Variants in CEP85L observed in about 807,000 individuals in gnomAD.
CEP85L encodes centrosomal protein 85L.
In CEP85L, 60 loss-of-function variants were observed where a neutral mutation model predicts 100.3. The ratio of observed to expected loss-of-function variants is 0.60; its 90% confidence interval spans 0.49 to 0.74. The LOEUF is 0.74. Among genes scored for constraint, CEP85L ranks in the 30% least tolerant of loss-of-function variants. The probability of loss-of-function intolerance (pLI) is 0.00; values close to 1 mark genes in which losing one functional copy is unlikely to be tolerated. For missense variants in CEP85L, 973 were observed against 936.2 expected, an observed-to-expected ratio of 1.04 and a Z score of -0.51; for synonymous variants, 319 against 322.7, an observed-to-expected ratio of 0.99 and a Z score of 0.12.
At chr6:118,551,991 G>A (rs1778577442) in intron 3 of CEP85L, among the ~76,000 whole-genome samples, 1 of 151,884 alleles carries the variant, frequency 6.6e-6, no homozygotes, top group Non-Finnish European at 1.5e-5. Context: ...GCTTATCAGT[G>A]GAAATGTCAG....
At chr6:118,489,821 A>G (rs1217181391) in intron 6 of CEP85L, among the ~76,000 whole-genome samples, 1 of 152,198 alleles carries the variant, frequency 6.6e-6, no homozygotes, top group East Asian at 1.9e-4. Flanking sequence ...AGGATCTCTG[A>G]GCAACATTTG....
chr6:118,613,375 C>T (rs907011867), intron 2 of CEP85L, among the ~76,000 whole-genome samples: 9 of 152,166 alleles, frequency 5.9e-5, no homozygotes, highest in Non-Finnish European at 1.3e-4. Context: ...AAATGCAACG[C>T]ATCCAATTTG....
At position 118,694,821 on chromosome 6, in the gene CEP85L, T is replaced by C. The variant is rs12207563; in HGVS notation, c.-28+15215A>G. On this transcript the variant is annotated intron_variant, in intron 1 of 13. Coordinates refer to the CEP85L transcript ENST00000368488. ...TGATTACAAATTGGCAGTTGCCATA[T>C]AGCAACAAATTCCTTATTTCACCAG... Among the ~76,000 whole-genome samples the C allele has an allele frequency of 5.6e-3, 847 of 152,346 alleles. 12 individuals are homozygous for C. Among genetic ancestry groups the C allele is most frequent in the South Asian group, 0.049 (236 of 4,828 alleles).
At chr6:118,592,908 C>A (rs1161176885) in intron 2 of CEP85L, among the ~76,000 whole-genome samples, 1 of 151,862 alleles carries the variant, frequency 6.6e-6, no homozygotes, top group East Asian at 1.9e-4. Context: ...TTGGTGTGTA[C>A]AAATATAGGT....
At chr6:118,622,168 A>C (rs1773489234) in intron 2 of CEP85L, among the ~76,000 whole-genome samples, 1 of 152,204 alleles carries the variant, frequency 6.6e-6, no homozygotes, top group South Asian at 2.1e-4. Flanking sequence ...TCTTAGTATC[A>C]GAGACTATCA....
intron 1 of CEP85L, among the ~76,000 whole-genome samples, chr6:118,681,693 A>G (rs1776664240): frequency 6.6e-6 from 1 of 151,660 alleles, no homozygotes; most frequent in Admixed American, 6.6e-5. Context: ...AGAAAAATTT[A>G]ATTCATTATA....
At chr6:118,598,439 C>T (rs548586647) in intron 2 of CEP85L, among the ~76,000 whole-genome samples, 3 of 152,172 alleles carry the variant, frequency 2.0e-5, no homozygotes, top group South Asian at 4.2e-4. Context: ...AGATGTAATC[C>T]GAGGTAAAAT....
chr6:118,680,291 C>A (rs1406742300), intron 1 of CEP85L, among the ~76,000 whole-genome samples: 1 of 110,464 alleles, frequency 9.1e-6, no homozygotes, highest in Non-Finnish European at 1.8e-5. Flanking sequence ...AAAAAAGAAT[C>A]TTTCCTTGGT....
chr6:118,576,341 T>C (rs1780231777), intron 2 of CEP85L, among the ~76,000 whole-genome samples: 1 of 152,154 alleles, frequency 6.6e-6, no homozygotes, highest in Admixed American at 6.5e-5. Context: ...TACCTGGTAC[T>C]CCTAACAACT....
At chr6:118,515,737 AAAG>A (rs765788800) in intron 4 of CEP85L, among the ~76,000 whole-genome samples, 4 of 152,194 alleles carry the variant, frequency 2.6e-5, no homozygotes, top group Non-Finnish European at 4.4e-5. Context: ...AGATATTGAT[AAAG>A]AAGAACTTAG....
intron 3 of CEP85L, among the ~76,000 whole-genome samples, chr6:118,531,810 C>T (rs978092496): frequency 6.6e-6 from 1 of 151,888 alleles, no homozygotes; most frequent in South Asian, 2.1e-4. Context: ...CATGAGATAC[C>T]ATCTCATACC....
intron 1 of CEP85L, among the ~76,000 whole-genome samples, chr6:118,687,080 T>A (rs1462162936): frequency 6.6e-6 from 1 of 152,194 alleles, no homozygotes; most frequent in African/African-American, 2.4e-5. Flanking sequence ...GGCTCATACA[T>A]AGTCTGTTCC....
At chr6:118,670,110 T>G (rs1776252022) in intron 1 of CEP85L, among the ~76,000 whole-genome samples, 1 of 152,026 alleles carries the variant, frequency 6.6e-6, no homozygotes, top group Admixed American at 6.6e-5. Context: ...TGGCAGTACC[T>G]TCTATCAGAA....
At chr6:118,641,247 C>T (rs959621643) in intron 1 of CEP85L, among the ~76,000 whole-genome samples, 1 of 152,278 alleles carries the variant, frequency 6.6e-6, no homozygotes, top group African/African-American at 2.4e-5. Context: ...CTTCAAAACA[C>T]AAACCCAATG....
chr6:118,546,350 G>A, intron 3 of CEP85L, among the ~76,000 whole-genome samples: 1 of 151,996 alleles, frequency 6.6e-6, no homozygotes, highest in East Asian at 1.9e-4. Flanking sequence ...ATAAACATGT[G>A]GTAACTAGGG....
intron 5 of CEP85L, among the ~76,000 whole-genome samples, chr6:118,499,928 AAAGG>A (rs935603618): frequency 6.6e-6 from 1 of 152,152 alleles, no homozygotes. Flanking sequence ...TACTGATTGG[AAAGG>A]AAGGAAGAAA....
intron 2 of CEP85L, among the ~76,000 whole-genome samples, chr6:118,626,326 C>T (rs1277653434): frequency 1.3e-5 from 2 of 152,172 alleles, no homozygotes; most frequent in Non-Finnish European, 2.9e-5. Flanking sequence ...ATGCCCCACT[C>T]CTCCCCTGCC....
Position 118,582,979 on chromosome 6 carries a change from C to T in CEP85L, c.233-16663G>A, listed in dbSNP as rs144089558. On this transcript the variant is annotated intron_variant, in intron 2 of 12. Coordinates refer to ENST00000368491, the MANE Select transcript of CEP85L (RefSeq NM_001042475.3). The stretch of plus-strand genomic sequence containing the variant: ...CAGAGGCTCTAGTAGCAGCATTGCA[C>T]GCTTGTAAAGTCCAGGATCCCTGAG... 7.3e-4 allele frequency among the ~76,000 whole-genome samples: 111 copies of T among 152,330 alleles called. 1 individual carries two copies. The East Asian group carries it at 0.018, about 24-fold the overall frequency.
chr6:118,685,003 A>G (rs978278461), intron 1 of CEP85L, among the ~76,000 whole-genome samples: 1 of 152,150 alleles, frequency 6.6e-6, no homozygotes, highest in Non-Finnish European at 1.5e-5. Context: ...TTACATTTTT[A>G]TAACCAAGAA....
Sources: allele counts gnomAD v4.1 joint callset (sites outside exome capture counted in the v4.1 genomes callset), GRCh38; gene constraint gnomAD v4.1.1; transcripts MANE v1.5; gene names NCBI Gene and HGNC (gene_info 2026-07-23, HGNC 2026-07-21).